The following TNS3 variants were observed in gnomAD, a reference collection of about 807,000 sequenced individuals.
The protein encoded by TNS3 is tensin-3.
In TNS3, 45 loss-of-function variants were observed where a neutral mutation model predicts 140.9. The observed-to-expected ratio is 0.32, with a 90% CI of 0.25 to 0.41. The LOEUF is 0.41. Ranked by LOEUF, TNS3 falls within the 10% of genes least tolerant of loss-of-function variation. The pLI is 1.00. For synonymous variants in TNS3, 815 were observed against 788.4 expected (o/e 1.03, Z -0.56); for missense variants, 1,716 against 1,906.7 (o/e 0.90, Z 1.86).
At chr7:47,329,660 T>A (rs967135837) in intron 20 of TNS3, among the ~76,000 whole-genome samples, 1 of 152,194 alleles carries the variant, frequency 6.6e-6, no homozygotes, top group Non-Finnish European at 1.5e-5. Flanking sequence ...CGGAAATGCC[T>A]GACCACGGAC....
intron 20 of TNS3, among the ~76,000 whole-genome samples, chr7:47,324,586 T>C (rs1787925674): frequency 6.6e-6 from 1 of 152,142 alleles, no homozygotes; most frequent in African/African-American, 2.4e-5. Context: ...ACCCCATCTC[T>C]ACTAAAAAGA....
chr7:47,529,557 A>G (rs1156301860), intron 1 of TNS3, among the ~76,000 whole-genome samples: 1 of 152,240 alleles, frequency 6.6e-6, no homozygotes, highest in East Asian at 1.9e-4. Context: ...GTAATTAGCT[A>G]AACAGCATAA....
intron 20 of TNS3, among the ~76,000 whole-genome samples, chr7:47,337,068 T>G (rs1186139584): frequency 6.6e-6 from 1 of 152,154 alleles, no homozygotes; most frequent in Non-Finnish European, 1.5e-5. Context: ...TCGCCATTTG[T>G]GTCTAAGTCC....
At position 47,440,122 on chromosome 7, in the gene TNS3, G is replaced by A. The variant is rs76548366; in HGVS notation, c.-22-464C>T. ...CCAGGAGGAAGCGGAGATGGTGTGA[G>A]CAGAAGCCAAACATCAGCAAGCAGC... On this transcript the variant is annotated intron_variant, in intron 5 of 30. Coordinates refer to ENST00000311160, the MANE Select transcript of TNS3 (RefSeq NM_022748.12). Among the ~76,000 whole-genome samples the A allele has an allele frequency of 7.4e-3, 1,133 of 152,206 alleles. 7 individuals carry two copies. The highest frequency in any genetic ancestry group is 0.011 in the Non-Finnish European group (768 of 68,004).
chr7:47,407,780 G>C lies in TNS3; in HGVS notation c.723+3947C>G, dbSNP rs1318412662. ...ACATAGACACACAGAGGGAAGCCCAGGTGAGGACACAGGGAGAAGACAGCC... is the reference window on the plus strand; with the variant it reads ...ACATAGACACACAGAGGGAAGCCCACGTGAGGACACAGGGAGAAGACAGCC... On this transcript the variant is annotated intron_variant, in intron 13 of 30. Transcript: ENST00000311160. This position sits in a 1 kb window ranked among gnomAD's most constrained non-coding sequence, Gnocchi z 4.1. Among the ~76,000 whole-genome samples the C allele has an allele frequency of 6.6e-6, 1 of 152,166 alleles. No homozygotes were observed. Among genetic ancestry groups the C allele is most frequent in the African/African-American group, 2.4e-5 (1 of 41,444 alleles).
At chr7:47,402,283 C>T (rs1793209295) in intron 13 of TNS3, among the ~76,000 whole-genome samples, 1 of 152,236 alleles carries the variant, frequency 6.6e-6, no homozygotes, top group Admixed American at 6.5e-5. Context: ...TGTTGACAAA[C>T]ATGACTGGGT....
chr7:47,525,016 T>G (rs1399030071), intron 2 of TNS3, among the ~76,000 whole-genome samples: 1 of 152,162 alleles, frequency 6.6e-6, no homozygotes, highest in Non-Finnish European at 1.5e-5. Context: ...TTTCCCTTGT[T>G]ACCTCCACTG....
Position 47,303,004 on chromosome 7 carries a change from G to A in TNS3, c.3403C>T (p.Pro1135Ser). 6.2e-7 allele frequency: 1 copy of A among 1,613,614 alleles called. No individual in the cohort carries two copies. Among genetic ancestry groups the A allele is most frequent in the Non-Finnish European group, 8.5e-7 (1 of 1,179,580 alleles). ...HSGSTISIPF[P>S]NVLPDFSKAS... ...TTGGAAAAGTCGGGAAGGACATTTG[G>A]GAAGGGGATACTGATGGTGCTCCCG... The change falls in exon 22 of 31, where the codon CCA becomes TCA. Residue 1135 changes from proline (P) to serine (S), a missense_variant. Pro to Ser is a moderately conservative substitution (Grantham distance 74). Coordinates refer to ENST00000311160, the MANE Select transcript of TNS3 (RefSeq NM_022748.12).
chr7:47,557,214 C>T (rs570611626), intron 1 of TNS3: 5 of 448,024 alleles, frequency 1.1e-5, no homozygotes, highest in East Asian at 7.0e-5. Flanking sequence ...AGTTTACAAG[C>T]GTCCTACGTA....
intron 10 of TNS3, among the ~76,000 whole-genome samples, chr7:47,419,983 T>C (rs982329227): frequency 3.9e-5 from 6 of 152,198 alleles, no homozygotes; most frequent in Non-Finnish European, 8.8e-5. Flanking sequence ...CAGCCAGCTC[T>C]GCATGAATTA....
At position 47,276,027 on chromosome 7, in the gene TNS3, G is replaced by A; in HGVS notation, c.*2049C>T. 2.8e-6 allele frequency: 1 copy of A among 357,780 alleles called. No homozygotes were observed. The highest frequency in any genetic ancestry group is 5.6e-6 in the Non-Finnish European group (1 of 180,174). 22.2% of individuals were successfully genotyped at this position (357,780 alleles called of 1,614,324 possible). A position where few individuals can be genotyped will look rare whatever the true frequency, so the allele number is the denominator to read the frequency against. ...TTAAACATGGGTAGAGACCGTCTCAGGATGAGGACCTCTTGGGGAAAGTAC... is the reference window on the plus strand; with the variant it reads ...TTAAACATGGGTAGAGACCGTCTCAAGATGAGGACCTCTTGGGGAAAGTAC... On this transcript the variant is annotated 3_prime_UTR_variant, in exon 31 of 31. Coordinates refer to ENST00000311160, the MANE Select transcript of TNS3 (RefSeq NM_022748.12).
chr7:47,353,093 G>C (rs920756469), intron 17 of TNS3, among the ~76,000 whole-genome samples: 1 of 152,202 alleles, frequency 6.6e-6, no homozygotes, highest in African/African-American at 2.4e-5. Flanking sequence ...CTCCAGAGAA[G>C]GTCTGCATAA....
intron 9 of TNS3, 92 bp from the exon 10 acceptor site, chr7:47,424,276 G>T: frequency 7.9e-7 from 1 of 1,267,864 alleles, no homozygotes; most frequent in Non-Finnish European, 1.1e-6. Context: ...GCTGTTCAAA[G>T]CGACCAGCTC....
At chr7:47,281,076 T>C (rs1366554376) in intron 28 of TNS3, among the ~76,000 whole-genome samples, 1 of 152,116 alleles carries the variant, frequency 6.6e-6, no homozygotes, top group Non-Finnish European at 1.5e-5. Flanking sequence ...GAAAAGTGGA[T>C]CATGTTACCA....
chr7:47,288,761 G>A (rs1440310657), intron 27 of TNS3, among the ~76,000 whole-genome samples: 1 of 152,184 alleles, frequency 6.6e-6, no homozygotes, highest in Non-Finnish European at 1.5e-5. Flanking sequence ...TTCCTCTTGG[G>A]CCAGAAAAAT....
intron 13 of TNS3, among the ~76,000 whole-genome samples, chr7:47,405,020 T>C (rs558794480): frequency 6.6e-4 from 101 of 152,320 alleles, no homozygotes; most frequent in African/African-American, 2.3e-3. Context: ...GGCAGACACA[T>C]GGAATTCTCA....
chr7:47,382,663 C>A (rs1224984497), intron 16 of TNS3, among the ~76,000 whole-genome samples: 1 of 151,910 alleles, frequency 6.6e-6, no homozygotes, highest in Non-Finnish European at 1.5e-5. Flanking sequence ...GACACCAGCA[C>A]CCCCCAGTCC....
intron 16 of TNS3, among the ~76,000 whole-genome samples, chr7:47,378,013 G>C (rs568984875): frequency 1.3e-5 from 2 of 152,246 alleles, no homozygotes; most frequent in South Asian, 2.1e-4. Context: ...GATCATAGCT[G>C]TGTGACTTCA....
chr7:47,462,066 G>A (rs1436394191), intron 4 of TNS3, among the ~76,000 whole-genome samples: 5 of 152,130 alleles, frequency 3.3e-5, no homozygotes, highest in South Asian at 4.1e-4. Context: ...TACTTTTACC[G>A]GTTTTCAGAC....
Sources: gnomAD v4.1 joint callset for allele counts (sites outside exome capture counted in the v4.1 genomes callset) on GRCh38, gnomAD v4.1.1 for gene constraint, Gnocchi (gnomAD v3.1) non-coding constraint, MANE v1.5 for transcripts, NCBI Gene and HGNC (gene_info 2026-07-23, HGNC 2026-07-21) for gene names.